RYR2: variants seen among roughly 807,000 people sequenced by gnomAD.
RYR2 encodes the protein ryanodine receptor 2, also known as cardiac muscle ryanodine receptor-calcium release channel.
RYR2 carries 227 observed loss-of-function variants against 601.1 expected under a neutral mutation model. The ratio of observed to expected loss-of-function variants is 0.38; its 90% CI spans 0.34 to 0.42. RYR2 has a LOEUF of 0.42. Ranked by LOEUF, RYR2 falls within the 10% of genes least tolerant of loss-of-function variation. The pLI is 1.00. For missense variants in RYR2, 4,646 were observed against 6,156.5 expected (o/e 0.75, Z 8.21); for synonymous variants, 2,223 against 2,175.1 (o/e 1.02, Z -0.61).
At chr1:237,530,620 C>T (rs1250762596) in intron 25 of RYR2, 110 bp downstream of exon 25, 4 of 923,602 alleles carry the variant, frequency 4.3e-6, no homozygotes, top group Admixed American at 2.1e-5. Flanking sequence ...CTTTAAAATT[C>T]AGATTCAAGG....
chr1:237,570,217 C>CA (rs371744146), intron 29 of RYR2, among the ~76,000 whole-genome samples: 56,584 of 130,080 alleles, frequency 0.43, 13,019 homozygotes, highest in Admixed American at 0.53. Context: ...GACTGCATCT[C>CA]AAAAAAAAAA....
intron 10 of RYR2, 93 bp from the exon 11 acceptor site, chr1:237,416,956 G>C: frequency 9.6e-7 from 1 of 1,043,730 alleles, no homozygotes; most frequent in Non-Finnish European, 1.5e-6. Flanking sequence ...CAGGCCATTT[G>C]CTTTTCTCTC....
intron 2 of RYR2, among the ~76,000 whole-genome samples, chr1:237,286,110 A>G (rs1316078051): frequency 6.6e-6 from 1 of 151,852 alleles, no homozygotes; most frequent in Admixed American, 6.6e-5. Flanking sequence ...GTGTGTCCTT[A>G]GAGTGTCAGT....
At chr1:237,096,410 C>T (rs930051451) in intron 1 of RYR2, among the ~76,000 whole-genome samples, 5 of 152,134 alleles carry the variant, frequency 3.3e-5, no homozygotes, top group African/African-American at 4.8e-5. Flanking sequence ...GTACACTTCT[C>T]GTTAATTGTT....
intron 29 of RYR2, among the ~76,000 whole-genome samples, chr1:237,576,216 T>G (rs929266291): frequency 2.0e-5 from 3 of 152,208 alleles, no homozygotes; most frequent in Non-Finnish European, 2.9e-5. Flanking sequence ...ATCAGACTTT[T>G]CAAATAAAAA....
At chr1:237,683,916 G>C (rs1558213613) in intron 62 of RYR2, among the ~76,000 whole-genome samples, 1 of 76,838 alleles carries the variant, frequency 1.3e-5, no homozygotes, top group Non-Finnish European at 2.6e-5. Context: ...CCATTTAGCA[G>C]GTGGGTCTTT....
rs562884739 is a variant in RYR2, at chr1:237,189,393, T to C, written c.49-81104T>C. Among the ~76,000 whole-genome samples the C allele has an allele frequency of 2.6e-5, 4 of 152,386 alleles. No individual in the cohort carries two copies. The East Asian group carries it at 7.7e-4, about 29-fold the overall frequency. ...TGTGCAAATTATCTCTTTGAGATTC[T>C]GCATCTTGTATATGTCTTTTGGATA... On this transcript the variant is annotated intron_variant, in intron 1 of 104. Transcript: ENST00000366574.
chr1:237,627,769 T>C, intron 40 of RYR2, 38 bp from the exon 41 acceptor site: 1 of 1,524,084 alleles, frequency 6.6e-7, no homozygotes, highest in Non-Finnish European at 8.9e-7. Flanking sequence ...TGTCTTCTCT[T>C]ATTTTTCTTT....
chr1:237,439,982 T>C (rs1383112737), intron 12 of RYR2, among the ~76,000 whole-genome samples: 1 of 152,206 alleles, frequency 6.6e-6, no homozygotes. Context: ...ATTGGAATGG[T>C]TTTATTGTCT....
chr1:237,404,647 T>G (rs1703698291), intron 10 of RYR2, among the ~76,000 whole-genome samples: 1 of 152,210 alleles, frequency 6.6e-6, no homozygotes, highest in Admixed American at 6.5e-5. Context: ...TATGACGGAC[T>G]TCATTCCCAT....
At chr1:237,718,628 CAT>C (rs960730085) in intron 73 of RYR2, 107 bp downstream of exon 73, 6 of 500,244 alleles carry the variant, frequency 1.2e-5, no homozygotes, top group Non-Finnish European at 2.1e-5. Context: ...AGGTAATAGA[CAT>C]ATTTTAATTA....
At chr1:237,448,224 G>A (rs1246455780) in intron 14 of RYR2, among the ~76,000 whole-genome samples, 1 of 152,070 alleles carries the variant, frequency 6.6e-6, no homozygotes. Flanking sequence ...ACCACACCCG[G>A]CATTGATATG....
chr1:237,822,240 G>GA (rs1662591677), intron 101 of RYR2, among the ~76,000 whole-genome samples: 1 of 152,126 alleles, frequency 6.6e-6, no homozygotes, highest in Admixed American at 6.5e-5. Flanking sequence ...CACCAAGGTT[G>GA]AAATGAAGGA....
intron 1 of RYR2, among the ~76,000 whole-genome samples, chr1:237,120,158 T>G (rs1670615252): frequency 3.3e-5 from 5 of 152,202 alleles, no homozygotes. Flanking sequence ...ATAAAATGGT[T>G]TAATAGTCAT....
chr1:237,607,475 A>G (rs558570835), intron 35 of RYR2, among the ~76,000 whole-genome samples: 1 of 152,134 alleles, frequency 6.6e-6, no homozygotes, highest in Non-Finnish European at 1.5e-5. Context: ...ACCTAATGTA[A>G]ATGACGCGTT....
intron 1 of RYR2, among the ~76,000 whole-genome samples, chr1:237,192,919 A>G (rs1680133438): frequency 6.6e-6 from 1 of 152,270 alleles, no homozygotes; most frequent in East Asian, 1.9e-4. Flanking sequence ...ACCTAATGAC[A>G]CAGATAAAGC....
intron 94 of RYR2, among the ~76,000 whole-genome samples, chr1:237,793,153 G>A (rs897109239): frequency 6.6e-5 from 10 of 152,302 alleles, no homozygotes; most frequent in East Asian, 3.9e-4. Flanking sequence ...TGCAGAAGAC[G>A]TGTGAAAAAC....
In RYR2 at chr1:237,633,551, G is replaced by A. The variant is rs548377306; in HGVS notation, c.6556-27G>A. On this transcript the variant is annotated intron_variant, in intron 42 of 104. Coordinates refer to ENST00000366574, the MANE Select transcript of RYR2 (RefSeq NM_001035.3). Reference sequence around the variant, plus strand: ...ATTTTATAAAGGTCGTTTGCTTTCAGCAGCTAATGACATGCTTTATCTGTA... The same window carrying A: ...ATTTTATAAAGGTCGTTTGCTTTCAACAGCTAATGACATGCTTTATCTGTA... 3.7e-5 allele frequency: 59 copies of A among 1,613,080 alleles called. 1 individual carries two copies. In the South Asian group the frequency reaches 6.5e-4, roughly 18 times the overall value.
chr1:237,702,091 A>C, intron 66 of RYR2, 32 bp downstream of exon 66: 1 of 1,189,424 alleles, frequency 8.4e-7, no homozygotes, highest in Non-Finnish European at 1.2e-6. Context: ...CTTTGTATTA[A>C]TTGCTGCTTC....
Sources: gnomAD v4.1 joint callset for allele counts (sites outside exome capture counted in the v4.1 genomes callset) on GRCh38, gnomAD v4.1.1 for gene constraint, MANE v1.5 for transcripts, NCBI Gene and HGNC (gene_info 2026-07-23, HGNC 2026-07-21) for gene names.